Variants in PDGFD observed in about 807,000 individuals in gnomAD.
The protein encoded by PDGFD is platelet-derived growth factor D.
PDGFD carries 30 observed loss-of-function variants against 44.7 expected under a neutral mutation model. The ratio of observed to expected loss-of-function variants is 0.67; its 90% CI spans 0.50 to 0.91. PDGFD has a LOEUF of 0.91. Ranked by LOEUF, PDGFD falls within the 40% of genes least tolerant of loss-of-function variation. The probability of loss-of-function intolerance (pLI) is 0.00; values close to 1 mark genes in which losing one functional copy is unlikely to be tolerated. For synonymous variants in PDGFD, 173 were observed against 168.4 expected (o/e 1.03, Z -0.21); for missense variants, 445 against 457.8 (o/e 0.97, Z 0.25).
chr11:104,084,599 A>G (rs1265674156), intron 1 of PDGFD, among the ~76,000 whole-genome samples: 1 of 147,994 alleles, frequency 6.8e-6, no homozygotes, highest in African/African-American at 2.5e-5. Context: ...TTTTTTAAAA[A>G]TTAAATTATA....
intron 3 of PDGFD, among the ~76,000 whole-genome samples, chr11:103,980,254 G>C (rs1859248658): frequency 6.6e-6 from 1 of 151,972 alleles, no homozygotes; most frequent in African/African-American, 2.4e-5. Flanking sequence ...GCCTTGAATA[G>C]CTATGCATTT....
At chr11:103,912,553 A>G (rs1408794555) in intron 6 of PDGFD, among the ~76,000 whole-genome samples, 1 of 152,218 alleles carries the variant, frequency 6.6e-6, no homozygotes, top group East Asian at 1.9e-4. Flanking sequence ...CATTGATGCT[A>G]TGAAGAAAGT....
chr11:104,026,691 T>A (rs907733320), intron 1 of PDGFD, among the ~76,000 whole-genome samples: 1 of 152,212 alleles, frequency 6.6e-6, no homozygotes, highest in Non-Finnish European at 1.5e-5. Flanking sequence ...GGCCTCATGG[T>A]TACAATGTCC....
At chr11:103,963,880 G>C (rs577235027) in intron 3 of PDGFD, among the ~76,000 whole-genome samples, 2 of 151,498 alleles carry the variant, frequency 1.3e-5, no homozygotes, top group Non-Finnish European at 2.9e-5. Context: ...CCTATCTCTC[G>C]GTAAAATATT....
At chr11:104,019,665 G>A (rs566217609) in intron 1 of PDGFD, among the ~76,000 whole-genome samples, 23 of 152,260 alleles carry the variant, frequency 1.5e-4, no homozygotes, top group Non-Finnish European at 2.6e-4. Context: ...GAAATATTGT[G>A]TTGAAAAGTT....
At chr11:104,019,446 A>G (rs560695615) in intron 1 of PDGFD, among the ~76,000 whole-genome samples, 1 of 152,352 alleles carries the variant, frequency 6.6e-6, no homozygotes, top group South Asian at 2.1e-4. Context: ...CCTCTAGTCA[A>G]CTAAATTCTG....
At chr11:104,074,646 T>C (rs1433514787) in intron 1 of PDGFD, among the ~76,000 whole-genome samples, 1 of 152,108 alleles carries the variant, frequency 6.6e-6, no homozygotes, top group East Asian at 1.9e-4. Context: ...TAGCAGCCAA[T>C]ATGAACACAC....
In PDGFD at chr11:103,996,175, T is replaced by A; in HGVS notation, c.400A>T (p.Lys134Ter). 1.2e-6 allele frequency: 2 copies of A among 1,613,628 alleles called. No homozygotes were observed. Among genetic ancestry groups the A allele is most frequent in the Non-Finnish European group, 1.7e-6 (2 of 1,179,644 alleles). The change falls in exon 3 of 7, where the codon AAG becomes TAG. Residue 134 changes from lysine to a stop codon, truncating the protein, a stop_gained. Coordinates refer to ENST00000393158, the MANE Select transcript of PDGFD (RefSeq NM_025208.5). LOFTEE classifies it high-confidence loss of function. The stretch of plus-strand genomic sequence containing the variant: ...GATTTTATCCTTGGAGGAACTTCCT[T>A]GTGTCCACACCATCGTCCTCTAATA... ...TIIRGRWCGH[K>*]EVPPRIKSRT...
At position 103,926,921 on chromosome 11, in the gene PDGFD, C is replaced by A. The variant is rs764439078; in HGVS notation, c.978G>T (p.Lys326Asn). The A allele has an allele frequency of 3.1e-6, 5 of 1,613,522 alleles. No individual in the cohort carries two copies. The highest frequency in any genetic ancestry group is 1.7e-5 in the Admixed American group (1 of 59,932). The stretch of plus-strand genomic sequence containing the variant: ...TCTAAGAATGACATACCTCATGATA[C>A]TTTTTCACGGTTTTCCCTGAATTGC... ...CTCNSGKTVK[K>N]YHEVLQFEPG... is the part of the protein sequence containing the mutation. The change falls in exon 6 of 7, where the codon AAG becomes AAT. Residue 326 changes from lysine to asparagine, a missense_variant. Physicochemically the swap from Lys to Asn is moderately conservative, Grantham distance 94 (BLOSUM62 0). Coordinates refer to ENST00000393158, the MANE Select transcript of PDGFD (RefSeq NM_025208.5).
chr11:103,912,255 A>G (rs1858039885), intron 6 of PDGFD, among the ~76,000 whole-genome samples: 1 of 152,252 alleles, frequency 6.6e-6, no homozygotes, highest in African/African-American at 2.4e-5. Flanking sequence ...CACAAAGGGA[A>G]GCCAATCAGA....
chr11:104,124,104 T>C (rs1232023167), intron 1 of PDGFD, among the ~76,000 whole-genome samples: 2 of 151,932 alleles, frequency 1.3e-5, no homozygotes, highest in African/African-American at 4.8e-5. Flanking sequence ...GGAGGAACAA[T>C]CAATAACATA....
chr11:104,098,475 A>G (rs1861317243), intron 1 of PDGFD, among the ~76,000 whole-genome samples: 1 of 150,896 alleles, frequency 6.6e-6, no homozygotes, highest in African/African-American at 2.4e-5. Flanking sequence ...CAAATCATAT[A>G]TAGAGAGGGG....
At chr11:103,975,314 A>G (rs1421773640) in intron 3 of PDGFD, among the ~76,000 whole-genome samples, 1 of 151,956 alleles carries the variant, frequency 6.6e-6, no homozygotes, top group African/African-American at 2.4e-5. Flanking sequence ...TGTTCATATC[A>G]TTGCCCACTT....
chr11:104,050,019 T>C (rs1484432637), intron 1 of PDGFD, among the ~76,000 whole-genome samples: 1 of 152,158 alleles, frequency 6.6e-6, no homozygotes, highest in Non-Finnish European at 1.5e-5. Flanking sequence ...CACCTTTTAC[T>C]ATGAAGGTAG....
In PDGFD at chr11:104,119,081, A is replaced by AT. The variant is rs1861701032; in HGVS notation, c.124+44722dup. Among the ~76,000 whole-genome samples, 2 of 64,856 alleles carry AT rather than the reference A, an allele frequency of 3.1e-5. 1 individual carries two copies. The highest frequency in any genetic ancestry group is 1.4e-4 in the African/African-American group (2 of 14,586). 42.5% of individuals were successfully genotyped at this position (64,856 alleles called of 152,430 possible). A position where few individuals can be genotyped will look rare whatever the true frequency, so the allele number is the denominator to read the frequency against. ...TTAATATAATATATTGGTATAATAT[A>AT]TAATATATTGATATAATATATAATA... On this transcript the variant is annotated intron_variant, in intron 1 of 6. Coordinates refer to ENST00000393158, the MANE Select transcript of PDGFD (RefSeq NM_025208.5).
At chr11:103,984,947 AATTT>A (rs200700238) in intron 3 of PDGFD, among the ~76,000 whole-genome samples, 21,435 of 132,840 alleles carry the variant, frequency 0.16, 2,750 homozygotes, top group Middle Eastern at 0.23. Context: ...ATAACATATT[AATTT>A]ATTTAATATA....
intron 5 of PDGFD, among the ~76,000 whole-genome samples, chr11:103,930,495 A>G (rs1311472044): frequency 6.6e-6 from 1 of 151,996 alleles, no homozygotes; most frequent in African/African-American, 2.4e-5. Flanking sequence ...TATGAATTAC[A>G]TACAATCATT....
intron 1 of PDGFD, among the ~76,000 whole-genome samples, chr11:104,027,895 G>A (rs1050713768): frequency 6.6e-6 from 1 of 152,074 alleles, no homozygotes; most frequent in African/African-American, 2.4e-5. Flanking sequence ...GAGCCTATTA[G>A]ATTAAAAAGC....
At chr11:104,103,322 C>T (rs370928504) in intron 1 of PDGFD, among the ~76,000 whole-genome samples, 102 of 151,554 alleles carry the variant, frequency 6.7e-4, no homozygotes, top group African/African-American at 2.4e-3. Flanking sequence ...ATGTTTTTTC[C>T]TCAGTCTCCT....
Sources: gnomAD v4.1 joint callset for allele counts (sites outside exome capture counted in the v4.1 genomes callset) on GRCh38, gnomAD v4.1.1 for gene constraint, MANE v1.5 for transcripts, NCBI Gene and HGNC (gene_info 2026-07-23, HGNC 2026-07-21) for gene names.